Variants in HNF1B observed in about 807,000 individuals in gnomAD.
HNF1B encodes the protein HNF1 homeobox B, also known as hepatocyte nuclear factor 1-beta.
In HNF1B, 8 loss-of-function variants were observed where a neutral mutation model predicts 61.7. The observed-to-expected ratio is 0.13, with a 90% CI of 0.08 to 0.23. The LOEUF (loss-of-function observed/expected upper bound fraction) is 0.23, where lower values mean the gene tolerates loss of function less well. HNF1B is among the 10% of genes least tolerant of loss of function. The pLI is 1.00. For synonymous variants in HNF1B, 314 were observed against 287.7 expected, an observed-to-expected ratio of 1.09 and a Z score of -0.93; for missense variants, 562 against 714.5, an observed-to-expected ratio of 0.79 and a Z score of 2.43.
intron 6 of HNF1B, among the ~76,000 whole-genome samples, chr17:37,704,172 C>A (rs1000732035): frequency 2.2e-4 from 34 of 152,362 alleles, no homozygotes; most frequent in African/African-American, 7.7e-4. Flanking sequence ...GAGATATCCA[C>A]AACCACAGTT....
intron 4 of HNF1B, among the ~76,000 whole-genome samples, chr17:37,718,556 C>G (rs1471099697): frequency 2.0e-5 from 3 of 152,162 alleles, no homozygotes; most frequent in Non-Finnish European, 4.4e-5. Flanking sequence ...AGGGGGTCTC[C>G]CAGCAAGTCC....
intron 5 of HNF1B, among the ~76,000 whole-genome samples, chr17:37,707,491 C>T (rs1413026048): frequency 6.6e-6 from 1 of 152,170 alleles, no homozygotes; most frequent in Non-Finnish European, 1.5e-5. Flanking sequence ...GTGATCCTTA[C>T]ATGATAATTT....
At chr17:37,689,195 T>C (rs1417170599) in intron 8 of HNF1B, among the ~76,000 whole-genome samples, 1 of 148,454 alleles carries the variant, frequency 6.7e-6, no homozygotes, top group African/African-American at 2.5e-5. Flanking sequence ...AGTGCGTGCA[T>C]GTGAGGAGAC....
chr17:37,710,717 A>C, intron 4 of HNF1B, 54 bp from the exon 5 acceptor site: 1 of 1,562,404 alleles, frequency 6.4e-7, no homozygotes, highest in Non-Finnish European at 8.8e-7. Context: ...GGGTCCTGGA[A>C]CAATGACTCG....
Position 37,744,900 on chromosome 17 carries a change from A to C in HNF1B, c.-16T>G. On this transcript the variant is annotated 5_prime_UTR_variant, in exon 1 of 9. Transcript: ENST00000617811. ...TGGACACCATTTTCCAAGGACGGAA[A>C]AAGAAGGGGGTGAGGGGGTGGGTGG... 1.3e-6 allele frequency: 2 copies of C among 1,597,872 alleles called. No homozygotes were observed. Among genetic ancestry groups the C allele is most frequent in the Non-Finnish European group, 1.7e-6 (2 of 1,166,790 alleles).
At chr17:37,702,352 A>G (rs1021852856) in intron 6 of HNF1B, among the ~76,000 whole-genome samples, 1 of 152,134 alleles carries the variant, frequency 6.6e-6, no homozygotes, top group African/African-American at 2.4e-5. Context: ...AGAAACCTAA[A>G]AGGCGAGACC....
rs548041373 is a variant in HNF1B, at chr17:37,697,544, A to G, written c.1653+1532T>C. On this transcript the variant is annotated intron_variant, in intron 8 of 8. Coordinates refer to ENST00000617811, the MANE Select transcript of HNF1B (RefSeq NM_000458.4). ...CAAAGTCAACTTGGGAAAGACAGGAATAATTAATCATGGTCCTGTCTGGGG... is the reference window on the plus strand; with the variant it reads ...CAAAGTCAACTTGGGAAAGACAGGAGTAATTAATCATGGTCCTGTCTGGGG... 2.0e-5 allele frequency among the ~76,000 whole-genome samples: 3 copies of G among 152,354 alleles called. No individual in the cohort carries two copies. The East Asian group carries it at 5.8e-4, about 29-fold the overall frequency.
At chr17:37,715,922 AGGAGTTCGAGACTAGCCT>A (rs2033093001) in intron 4 of HNF1B, among the ~76,000 whole-genome samples, 2 of 152,182 alleles carry the variant, frequency 1.3e-5, no homozygotes, top group South Asian at 4.1e-4. Context: ...ACTTGAGGTC[AGGAGTTCGAGACTAGCCT>A]GGCCAACATG....
intron 6 of HNF1B, among the ~76,000 whole-genome samples, chr17:37,702,193 T>G (rs1037630937): frequency 7.9e-5 from 12 of 151,982 alleles, no homozygotes; most frequent in African/African-American, 2.9e-4. Context: ...CAGAAAAAGG[T>G]CTGTTTTAGG....
intron 8 of HNF1B, among the ~76,000 whole-genome samples, chr17:37,696,670 C>A (rs1372378180): frequency 6.6e-6 from 1 of 152,150 alleles, no homozygotes; most frequent in Non-Finnish European, 1.5e-5. Flanking sequence ...TTCTTTATAG[C>A]GAAGCAAACA....
At chr17:37,697,895 C>G (rs1290795166) in intron 8 of HNF1B, among the ~76,000 whole-genome samples, 1 of 152,094 alleles carries the variant, frequency 6.6e-6, no homozygotes, top group East Asian at 1.9e-4. Context: ...CGCAAGCTTG[C>G]TGAATCCTCA....
Position 37,744,725 on chromosome 17 carries a change from C to T in HNF1B, c.160G>A (p.Ala54Thr). Residue 54 changes from alanine (A) to threonine (T), a missense_variant, in exon 1 of 9, where the codon GCC becomes ACC. By Grantham distance (58) the Ala-to-Thr change is moderately conservative. Transcript: ENST00000617811. Reference sequence around the variant, plus strand: ...AAGACCGGCTTGGTGTCGGGCTCGGCCCCGCTGCCAGGGGACAGGGGCAGC... The same window carrying T: ...AAGACCGGCTTGGTGTCGGGCTCGGTCCCGCTGCCAGGGGACAGGGGCAGC... ...ETLPLSPGSGAEPDTKPVFHT... is the reference protein window; with the variant it reads ...ETLPLSPGSGTEPDTKPVFHT... 6.2e-7 allele frequency: 1 copy of T among 1,613,400 alleles called. No homozygotes were observed. Among genetic ancestry groups the T allele is most frequent in the Non-Finnish European group, 8.5e-7 (1 of 1,180,022 alleles).
chr17:37,694,113 G>A (rs565600365), intron 8 of HNF1B, among the ~76,000 whole-genome samples: 3 of 152,256 alleles, frequency 2.0e-5, no homozygotes, highest in South Asian at 4.1e-4. Context: ...CTGGTCCTGG[G>A]AGTGGGGCAT....
intron 4 of HNF1B, among the ~76,000 whole-genome samples, chr17:37,713,435 C>T (rs1277389165): frequency 6.6e-6 from 1 of 152,184 alleles, no homozygotes; most frequent in Non-Finnish European, 1.5e-5. Flanking sequence ...GACTCAAGAG[C>T]CATTTGTTAG....
chr17:37,744,828 G>A lies in HNF1B; in HGVS notation c.57C>T (p.Ser19=). The A allele has an allele frequency of 6.2e-7, 1 of 1,613,442 alleles. No homozygotes were observed. Among genetic ancestry groups the A allele is most frequent in the Non-Finnish European group, 8.5e-7 (1 of 1,180,014 alleles). ...QQELLSALLS[S]GVTKEVLVQA... ...GAACCAGCACCTCCTTGGTGACCCCGGAGCTCAGCAGGGCGCTCAGGAGTT... is the reference window on the plus strand; with the variant it reads ...GAACCAGCACCTCCTTGGTGACCCCAGAGCTCAGCAGGGCGCTCAGGAGTT... Residue 19 remains serine, a synonymous_variant, in exon 1 of 9, where the codon TCC becomes TCT. Coordinates refer to ENST00000617811, the MANE Select transcript of HNF1B (RefSeq NM_000458.4).
chr17:37,690,332 A>C (rs2032156187), intron 8 of HNF1B, among the ~76,000 whole-genome samples: 1 of 152,194 alleles, frequency 6.6e-6, no homozygotes, highest in Non-Finnish European at 1.5e-5. Flanking sequence ...CGACACTGGC[A>C]GGGGCATAAT....
chr17:37,710,658 G>A lies in HNF1B; in HGVS notation c.1051C>T (p.Arg351Cys), dbSNP rs746992837. ...SSPPNKLSGV[R>C]YSQQGNNEIT... ...TCATTGTTTCCCTGCTGGCTGTAGC[G>A]CACTCCTGCAAAACAACACAAACCC... Residue 351 changes from arginine to cysteine, a missense_variant, in exon 5 of 9, where the codon CGC becomes TGC. By Grantham distance (180) the Arg-to-Cys change is radical (BLOSUM62 -3). Coordinates refer to ENST00000617811, the MANE Select transcript of HNF1B (RefSeq NM_000458.4). 14 of 1,613,412 alleles carry A rather than the reference G, an allele frequency of 8.7e-6. No homozygotes were observed. Among genetic ancestry groups the A allele is most frequent in the East Asian group, 6.7e-5 (3 of 44,880 alleles).
At chr17:37,739,011 G>A (rs1245667442) in intron 2 of HNF1B, among the ~76,000 whole-genome samples, 2 of 152,176 alleles carry the variant, frequency 1.3e-5, no homozygotes, top group East Asian at 3.8e-4. Flanking sequence ...TTCCAGAGAG[G>A]AGGAAATTAA....
intron 8 of HNF1B, among the ~76,000 whole-genome samples, chr17:37,692,893 A>G (rs1001297543): frequency 1.3e-5 from 2 of 152,086 alleles, no homozygotes; most frequent in African/African-American, 2.4e-5. Flanking sequence ...TGAATTGGAT[A>G]TTGAAAGAGT....
Sources: allele counts gnomAD v4.1 joint callset (sites outside exome capture counted in the v4.1 genomes callset), GRCh38; gene constraint gnomAD v4.1.1; transcripts MANE v1.5; gene names NCBI Gene and HGNC (gene_info 2026-07-23, HGNC 2026-07-21).